The following HDAC9 variants were observed in gnomAD, a reference collection of about 807,000 sequenced individuals.
HDAC9 encodes the protein histone deacetylase 9.
Under a neutral mutation model 139.4 loss-of-function variants are expected in HDAC9, and 41 were observed. That is an observed-to-expected ratio of 0.29 (90% CI 0.23 to 0.38). The LOEUF (loss-of-function observed/expected upper bound fraction) is 0.38. Ranked by LOEUF, HDAC9 falls within the 10% of genes least tolerant of loss-of-function variation. HDAC9 has a pLI of 1.00. For missense variants in HDAC9, 1,147 were observed against 1,297.0 expected, an observed-to-expected ratio of 0.88 and a Z score of 1.78; for synonymous variants, 517 against 476.2, an observed-to-expected ratio of 1.09 and a Z score of -1.12.
chr7:18,210,536 C>G (rs1791864858), intron 2 of HDAC9, among the ~76,000 whole-genome samples: 2 of 152,122 alleles, frequency 1.3e-5, no homozygotes, highest in South Asian at 4.2e-4. Flanking sequence ...ACTTACCAAG[C>G]CTATTTTAAA....
At chr7:18,566,080 C>A (rs1456128661) in intron 2 of HDAC9, among the ~76,000 whole-genome samples, 1 of 152,074 alleles carries the variant, frequency 6.6e-6, no homozygotes, top group Non-Finnish European at 1.5e-5. Context: ...AGTAACATTA[C>A]AAAAAGTAGA....
chr7:18,760,413 T>C (rs557559923), intron 14 of HDAC9, among the ~76,000 whole-genome samples: 2 of 152,140 alleles, frequency 1.3e-5, no homozygotes, highest in Non-Finnish European at 2.9e-5. Flanking sequence ...ATTGAATGTT[T>C]CCCAGCAAGC....
intron 2 of HDAC9, among the ~76,000 whole-genome samples, chr7:18,213,360 T>C (rs1562755351): frequency 6.6e-6 from 1 of 152,172 alleles, no homozygotes; most frequent in Admixed American, 6.6e-5. Flanking sequence ...GAAATTATGT[T>C]GCTTTACGTG....
chr7:18,437,022 A>G (rs1388389888), intron 1 of HDAC9, among the ~76,000 whole-genome samples: 1 of 152,200 alleles, frequency 6.6e-6, no homozygotes, highest in Middle Eastern at 3.2e-3. Flanking sequence ...TGGGAGTTTT[A>G]TATACTAATT....
intron 25 of HDAC9, among the ~76,000 whole-genome samples, chr7:18,984,853 A>G (rs1443618928): frequency 1.3e-5 from 2 of 152,124 alleles, no homozygotes; most frequent in Admixed American, 6.5e-5. Context: ...ATCTATGTCA[A>G]TTCCCCACAA....
chr7:18,741,538 C>G (rs1787454993), intron 13 of HDAC9, among the ~76,000 whole-genome samples: 1 of 152,138 alleles, frequency 6.6e-6, no homozygotes, highest in Non-Finnish European at 1.5e-5. Flanking sequence ...GACTGTGTAC[C>G]TGGTCACCCA....
At position 18,622,355 on chromosome 7, in the gene HDAC9, G is replaced by A. The variant is rs188829445; in HGVS notation, c.665-6995G>A. ...TTTATTTATTTAGAGAGGGAGTCTC[G>A]CCCTGTCACCCAGGCTGGAGTGCAA... On this transcript the variant is annotated intron_variant, in intron 6 of 25. Coordinates refer to ENST00000686413, the MANE Select transcript of HDAC9 (RefSeq NM_178425.4). Among the ~76,000 whole-genome samples the A allele has an allele frequency of 6.6e-5, 10 of 152,068 alleles. No homozygotes were observed. In the East Asian group the frequency reaches 9.7e-4, roughly 15 times the overall value.
At chr7:18,300,328 C>A (rs1345125826) in intron 1 of HDAC9, among the ~76,000 whole-genome samples, 1 of 152,072 alleles carries the variant, frequency 6.6e-6, no homozygotes, top group African/African-American at 2.4e-5. Flanking sequence ...CTGACTTTTC[C>A]AAGGAATGAC....
chr7:18,680,879 T>C (rs1012124787), intron 12 of HDAC9, among the ~76,000 whole-genome samples: 5 of 152,034 alleles, frequency 3.3e-5, no homozygotes, highest in African/African-American at 1.2e-4. Flanking sequence ...GACTGTTTGT[T>C]TAACCAAATC....
At chr7:18,095,655 A>T (rs1782457996) in intron 1 of HDAC9, among the ~76,000 whole-genome samples, 1 of 152,208 alleles carries the variant, frequency 6.6e-6, no homozygotes, top group Admixed American at 6.5e-5. Flanking sequence ...TTTTTTATTA[A>T]ACATTCTACT....
At chr7:18,439,455 C>G (rs548754418) in intron 1 of HDAC9, among the ~76,000 whole-genome samples, 1 of 152,302 alleles carries the variant, frequency 6.6e-6, no homozygotes, top group Admixed American at 6.5e-5. Flanking sequence ...TAGGTAAAGA[C>G]TCAAGAACTT....
At chr7:18,241,069 G>C (rs570440780) in intron 2 of HDAC9, among the ~76,000 whole-genome samples, 1 of 152,140 alleles carries the variant, frequency 6.6e-6, no homozygotes, top group Admixed American at 6.5e-5. Context: ...GGGCTTCCCA[G>C]GTTCTAGAAT....
chr7:18,658,517 C>T (rs1363839866), intron 11 of HDAC9, among the ~76,000 whole-genome samples: 1 of 152,076 alleles, frequency 6.6e-6, no homozygotes, highest in Non-Finnish European at 1.5e-5. Context: ...TAATTTTGAA[C>T]CTCTTTAATA....
chr7:18,934,542 G>A (rs1340093163), intron 22 of HDAC9, among the ~76,000 whole-genome samples: 3 of 152,152 alleles, frequency 2.0e-5, no homozygotes, highest in African/African-American at 7.2e-5. Context: ...GTCTATCTGT[G>A]TAAAGAAATA....
intron 24 of HDAC9, among the ~76,000 whole-genome samples, chr7:18,966,492 G>A (rs1352592198): frequency 6.6e-6 from 1 of 152,120 alleles, no homozygotes; most frequent in Non-Finnish European, 1.5e-5. Flanking sequence ...CATGAGGTCA[G>A]GAGTTCAAGA....
chr7:18,830,447 AG>A (rs1795778548), intron 19 of HDAC9, among the ~76,000 whole-genome samples: 1 of 152,186 alleles, frequency 6.6e-6, no homozygotes, highest in African/African-American at 2.4e-5. Flanking sequence ...AATATGCTAA[AG>A]GTTTTTTTTT....
intron 22 of HDAC9, among the ~76,000 whole-genome samples, chr7:18,896,976 G>T (rs988989666): frequency 1.7e-4 from 26 of 151,866 alleles, no homozygotes; most frequent in African/African-American, 6.3e-4. Flanking sequence ...GAAAAATAAG[G>T]TGTTTTGAAC....
At chr7:18,155,634 C>G (rs1787131956) in intron 1 of HDAC9, among the ~76,000 whole-genome samples, 1 of 152,160 alleles carries the variant, frequency 6.6e-6, no homozygotes, top group Admixed American at 6.5e-5. Flanking sequence ...AATGGTTCTC[C>G]TAAAAGTCTT....
intron 1 of HDAC9, among the ~76,000 whole-genome samples, chr7:18,115,171 T>C (rs979444035): frequency 2.6e-5 from 4 of 151,948 alleles, no homozygotes; most frequent in Non-Finnish European, 5.9e-5. Context: ...CGGGCGCCTG[T>C]AGTCCCAGCT....
Sources: allele counts gnomAD v4.1 joint callset (sites outside exome capture counted in the v4.1 genomes callset), GRCh38; gene constraint gnomAD v4.1.1; transcripts MANE v1.5; gene names NCBI Gene and HGNC (gene_info 2026-07-23, HGNC 2026-07-21).